CCDC88C: variants seen among roughly 807,000 people sequenced by gnomAD.
The protein encoded by CCDC88C is protein Daple.
In CCDC88C, 131 loss-of-function variants were observed where a neutral mutation model predicts 198.8. That is an observed-to-expected ratio of 0.66 (90% CI 0.57 to 0.76). The LOEUF is 0.76. CCDC88C is among the 30% of genes least tolerant of loss of function. The pLI, the probability that CCDC88C is intolerant of heterozygous loss-of-function variation, is 0.00. For synonymous variants in CCDC88C, 1,166 were observed against 1,114.7 expected, an observed-to-expected ratio of 1.05 and a Z score of -0.92; for missense variants, 2,553 against 2,631.6, an observed-to-expected ratio of 0.97 and a Z score of 0.65.
chr14:91,381,202 G>A lies in CCDC88C; in HGVS notation c.271-21491C>T, dbSNP rs1479277431. Among the ~76,000 whole-genome samples, 1 of 152,090 alleles carries A rather than the reference G, an allele frequency of 6.6e-6. No homozygotes were observed. The highest frequency in any genetic ancestry group is 6.5e-5 in the Admixed American group (1 of 15,278). On this transcript the variant is annotated intron_variant, in intron 3 of 29. Transcript: ENST00000389857. The surrounding 1 kb of genome is among the most constrained non-coding windows in gnomAD (Gnocchi z 4.2). ...GAAAGGTGTGGGGCTTTCCCGGTACGGTCTGAGTCTCCTGTCCCCCAGCTT... is the reference window on the plus strand; with the variant it reads ...GAAAGGTGTGGGGCTTTCCCGGTACAGTCTGAGTCTCCTGTCCCCCAGCTT...
At chr14:91,364,801 G>A (rs1281529428) in intron 3 of CCDC88C, among the ~76,000 whole-genome samples, 1 of 152,158 alleles carries the variant, frequency 6.6e-6, no homozygotes, top group Non-Finnish European at 1.5e-5. Context: ...CTGTAGCGGT[G>A]GCTTTCCAAG....
chr14:91,350,526 G>A (rs1479125642), intron 4 of CCDC88C, among the ~76,000 whole-genome samples: 1 of 152,150 alleles, frequency 6.6e-6, no homozygotes, highest in African/African-American at 2.4e-5. Flanking sequence ...AATGACTGAG[G>A]TGTGAAGCTG....
rs1359790738 is a variant in CCDC88C, at chr14:91,313,834, A to G, written c.1982T>C (p.Val661Ala). 2.5e-6 allele frequency: 4 copies of G among 1,597,902 alleles called. No homozygotes were observed. Among genetic ancestry groups the G allele is most frequent in the Non-Finnish European group, 3.4e-6 (4 of 1,174,806 alleles). ...CTGGCTCTCATGCTCCAGGGCCTCG[A>G]CTTTCTCGGTGGCTGTCTCCAGGGA... is the stretch of plus-strand genomic sequence containing the variant. The part of the protein sequence containing the change: ...VTSLETATEK[V>A]EALEHESQGL... Residue 661 changes from valine to alanine, a missense_variant, in exon 15 of 30, where the codon GTC becomes GCC. Physicochemically the swap from Val to Ala is moderately conservative, Grantham distance 64 (BLOSUM62 0). Around this residue, in one of 2 missense-constraint regions of CCDC88C, gnomAD observed 1,260 missense variants for 1,412.0 expected, o/e 0.89. Transcript: ENST00000389857. This position sits in a 1 kb window ranked among gnomAD's most constrained non-coding sequence, Gnocchi z 5.2.
chr14:91,315,654 C>G lies in CCDC88C; in HGVS notation c.1661G>C (p.Arg554Thr). 6.2e-7 allele frequency: 1 copy of G among 1,613,962 alleles called. No individual in the cohort carries two copies. The highest frequency in any genetic ancestry group is 8.5e-7 in the Non-Finnish European group (1 of 1,179,882). ...DMETLKADKARQIKDLEQEKD... is the reference protein window; with the variant it reads ...DMETLKADKATQIKDLEQEKD... ...GTTAGTGGTGGAGGCACCTACCTGC[C>G]TGGCTTTGTCAGCCTTCAGGGTCTC... Residue 554 changes from arginine to threonine, a missense_variant, in exon 14 of 30, where the codon AGG (arginine) becomes ACG (threonine). Transcript: ENST00000389857.
At chr14:91,361,700 C>CA (rs1369055348) in intron 3 of CCDC88C, among the ~76,000 whole-genome samples, 1 of 152,152 alleles carries the variant, frequency 6.6e-6, no homozygotes, top group Non-Finnish European at 1.5e-5. Flanking sequence ...ACGTGTTGGA[C>CA]AATAGTGTGA....
At chr14:91,309,299 T>C (rs1891701619) in intron 16 of CCDC88C, among the ~76,000 whole-genome samples, 1 of 152,044 alleles carries the variant, frequency 6.6e-6, no homozygotes. Flanking sequence ...TAGTCTAATT[T>C]TTTAAAAAAA....
At position 91,339,369 on chromosome 14, in the gene CCDC88C, G is replaced by A. The variant is rs542317855; in HGVS notation, c.718C>T (p.Pro240Ser). ...KSSSADSTPS[P>S]TSSLSSEDKQ... The stretch of plus-strand genomic sequence containing the variant: ...TCTTCGCTAGAGAGGCTGCTGGTGG[G>A]GCTGGGAGTGGAGTCGGCGCTGGAG... The change falls in exon 8 of 30, where the codon CCC becomes TCC. Residue 240 changes from proline to serine, a missense_variant. This residue lies in a region of CCDC88C where 1,260 missense variants were observed against 1,412.0 expected (regional missense o/e 0.89). Coordinates refer to ENST00000389857, the MANE Select transcript of CCDC88C (RefSeq NM_001080414.4). This position sits in a 1 kb window ranked among gnomAD's most constrained non-coding sequence, Gnocchi z 5.8. The A allele has an allele frequency of 1.2e-5, 19 of 1,613,856 alleles. No homozygotes were observed. In the South Asian group the frequency reaches 2.0e-4, roughly 17 times the overall value.
Position 91,381,353 on chromosome 14 carries a change from A to T in CCDC88C, c.271-21642T>A, listed in dbSNP as rs1170349421. On this transcript the variant is annotated intron_variant, in intron 3 of 29. Coordinates refer to ENST00000389857, the MANE Select transcript of CCDC88C (RefSeq NM_001080414.4). This position sits in a 1 kb window ranked among gnomAD's most constrained non-coding sequence, Gnocchi z 4.2. ...ACAGATGTGACCAACCAGCCCGCAA[A>T]CTTGGGGAGGAATTTTTTGGGTTTA... is the stretch of plus-strand genomic sequence containing the variant. Among the ~76,000 whole-genome samples, 4 of 152,116 alleles carry T rather than the reference A, an allele frequency of 2.6e-5. No individual in the cohort carries two copies. Among genetic ancestry groups the T allele is most frequent in the Non-Finnish European group, 5.9e-5 (4 of 67,998 alleles).
chr14:91,320,902 G>A (rs770640040), intron 13 of CCDC88C, among the ~76,000 whole-genome samples: 8 of 152,184 alleles, frequency 5.3e-5, no homozygotes, highest in Non-Finnish European at 1.0e-4. Context: ...TAATGGCAGC[G>A]AAGCAGGGAC....
intron 5 of CCDC88C, 101 bp from the exon 6 acceptor site, chr14:91,342,564 C>A (rs1480001737): frequency 3.9e-6 from 3 of 769,636 alleles, no homozygotes; most frequent in Non-Finnish European, 6.9e-6. Flanking sequence ...AACCACCCAC[C>A]CCGGGCTTCT....
Position 91,313,400 on chromosome 14 carries a change from G to A in CCDC88C, c.2416C>T (p.Leu806Phe), listed in dbSNP as rs776061990. 88 of 1,608,202 alleles carry A rather than the reference G, an allele frequency of 5.5e-5. No homozygotes were observed. The highest frequency in any genetic ancestry group is 7.1e-5 in the Non-Finnish European group (84 of 1,179,698). The change falls in exon 15 of 30, where the codon CTC (leucine) becomes TTC (phenylalanine). Residue 806 changes from leucine to phenylalanine, a missense_variant. By Grantham distance (22) the Leu-to-Phe change is conservative (BLOSUM62 0). Transcript: ENST00000389857. This position sits in a 1 kb window ranked among gnomAD's most constrained non-coding sequence, Gnocchi z 5.2. ...RQALRRDLEA[L>F]RLANAQLEGA... ...TCCAACTGTGCATTGGCCAGCCGGA[G>A]GGCCTCCAGGTCCCGCCGCAGCGCC...
intron 10 of CCDC88C, among the ~76,000 whole-genome samples, chr14:91,327,140 G>A (rs768861647): frequency 1.3e-5 from 2 of 152,208 alleles, no homozygotes; most frequent in Admixed American, 6.5e-5. Context: ...AACAGCACAC[G>A]CCAGGAACGT....
At chr14:91,404,805 T>C (rs1201630603) in intron 3 of CCDC88C, among the ~76,000 whole-genome samples, 2 of 150,774 alleles carry the variant, frequency 1.3e-5, no homozygotes, top group Non-Finnish European at 3.0e-5. Context: ...CTACTAAAAA[T>C]ACAAAAAAAA....
chr14:91,274,645 C>T (rs1234359439), intron 29 of CCDC88C, among the ~76,000 whole-genome samples: 1 of 152,232 alleles, frequency 6.6e-6, no homozygotes, highest in Non-Finnish European at 1.5e-5. Context: ...CTGTTTTATG[C>T]TAGTTTGACG....
At chr14:91,361,820 A>AC (rs1567098824) in intron 3 of CCDC88C, among the ~76,000 whole-genome samples, 3 of 151,794 alleles carry the variant, frequency 2.0e-5, no homozygotes. Context: ...TCGCCCTACC[A>AC]CCCCCGGCAA....
At position 91,306,992 on chromosome 14, in the gene CCDC88C, C is replaced by G. The variant is rs759028099; in HGVS notation, c.3195+46G>C. On this transcript the variant is annotated intron_variant, in intron 18 of 29. Transcript: ENST00000389857. ...AATGGGACTACTGATAAGGCAGTCT[C>G]TCTCTCTCTGTCCCCGATGGACCAT... The G allele has an allele frequency of 1.3e-5, 20 of 1,528,472 alleles. No homozygotes were observed. In the South Asian group the frequency reaches 2.1e-4, roughly 16 times the overall value. 94.7% of individuals were successfully genotyped at this position (1,528,472 alleles called of 1,614,324 possible).
At chr14:91,409,614 A>G (rs1033932664) in intron 2 of CCDC88C, among the ~76,000 whole-genome samples, 1 of 151,520 alleles carries the variant, frequency 6.6e-6, no homozygotes, top group Non-Finnish European at 1.5e-5. Context: ...CAGCCTCCCA[A>G]GTAGCTGGGA....
chr14:91,351,082 G>A (rs1893763435), intron 4 of CCDC88C, among the ~76,000 whole-genome samples: 1 of 152,168 alleles, frequency 6.6e-6, no homozygotes, highest in Non-Finnish European at 1.5e-5. Context: ...AGCGTTTGCT[G>A]ACTGAGTGAG....
At chr14:91,321,422 G>T in intron 12 of CCDC88C, 118 bp from the exon 13 acceptor site, 1 of 1,042,578 alleles carries the variant, frequency 9.6e-7, no homozygotes, top group Non-Finnish European at 1.4e-6. Context: ...CTGGGGAGGA[G>T]CTCCCACAGG....
Sources: allele counts gnomAD v4.1 joint callset (sites outside exome capture counted in the v4.1 genomes callset), GRCh38; gene constraint gnomAD v4.1.1; regional missense constraint gnomAD v4.1.1; non-coding constraint Gnocchi (gnomAD v3.1); transcripts MANE v1.5; gene names NCBI Gene and HGNC (gene_info 2026-07-23, HGNC 2026-07-21).